Variants in HMCN1 observed in about 807,000 individuals in gnomAD.
The protein encoded by HMCN1 is hemicentin-1.
A neutral mutation model predicts 625.9 loss-of-function variants in HMCN1; 321 were observed. That is an observed-to-expected ratio of 0.51 (90% CI 0.47 to 0.56). The LOEUF is 0.56. HMCN1 is among the 20% of genes least tolerant of loss of function. The probability of loss-of-function intolerance (pLI) is 0.00; values close to 1 mark genes in which losing one functional copy is unlikely to be tolerated. For synonymous variants in HMCN1, 2,425 were observed against 2,417.6 expected (o/e 1.00, Z -0.09); for missense variants, 6,588 against 6,887.3 (o/e 0.96, Z 1.54).
intron 4 of HMCN1, among the ~76,000 whole-genome samples, chr1:185,908,011 T>C (rs546174639): frequency 6.6e-6 from 1 of 151,968 alleles, no homozygotes; most frequent in African/African-American, 2.4e-5. Flanking sequence ...TGGTTTTTGA[T>C]ACTGGAGCAA....
intron 4 of HMCN1, among the ~76,000 whole-genome samples, chr1:185,868,469 A>G (rs951700802): frequency 6.6e-6 from 1 of 152,086 alleles, no homozygotes; most frequent in Non-Finnish European, 1.5e-5. Flanking sequence ...TTTTCTCATG[A>G]TAGTGAGTGA....
chr1:186,062,995 T>A (rs986200105), intron 48 of HMCN1, among the ~76,000 whole-genome samples: 20 of 147,068 alleles, frequency 1.4e-4, no homozygotes, highest in Non-Finnish European at 2.1e-4. Flanking sequence ...GCAAAAGACA[T>A]GATTTCATTC....
intron 60 of HMCN1, 71 bp downstream of exon 60, chr1:186,087,716 C>T: frequency 7.1e-7 from 1 of 1,412,482 alleles, no homozygotes; most frequent in Non-Finnish European, 1.0e-6. Flanking sequence ...TTGGAAGTTG[C>T]ATATTCCCTT....
intron 4 of HMCN1, among the ~76,000 whole-genome samples, chr1:185,878,060 T>C (rs560682125): frequency 1.9e-4 from 29 of 152,306 alleles, no homozygotes; most frequent in African/African-American, 5.3e-4. Context: ...TTTAATGTTA[T>C]TGATGAATAG....
chr1:186,165,970 G>A (rs1335062224), intron 98 of HMCN1, among the ~76,000 whole-genome samples: 1 of 152,154 alleles, frequency 6.6e-6, no homozygotes, highest in African/African-American at 2.4e-5. Flanking sequence ...GTTGTTTTAG[G>A]ATATAATCTA....
chr1:186,164,687 T>G (rs1651765084), intron 97 of HMCN1, among the ~76,000 whole-genome samples: 1 of 152,212 alleles, frequency 6.6e-6, no homozygotes, highest in Non-Finnish European at 1.5e-5. Context: ...GGGAGCTTCT[T>G]CACAGAGTTT....
rs1285192658 is a variant in HMCN1, at chr1:186,016,968, C to G, written c.5197C>G (p.Pro1733Ala). Residue 1733 changes from proline to alanine, a missense_variant, in exon 33 of 107, where the codon CCA (proline) becomes GCA (alanine). This residue lies in a region of HMCN1 where 4,628 missense variants were observed against 4,853.1 expected (regional missense o/e 0.95). Coordinates refer to ENST00000271588, the MANE Select transcript of HMCN1 (RefSeq NM_031935.3). The part of the protein sequence containing the change: ...IKYEVDVLVP[P>A]AIEGGDETSY... ...ACATTCCTGTTGTTTTCTAGTGCCA[C>G]CAGCTATAGAAGGAGGAGATGAAAC... The G allele has an allele frequency of 6.3e-7, 1 of 1,578,946 alleles. No homozygotes were observed.
intron 4 of HMCN1, among the ~76,000 whole-genome samples, chr1:185,902,482 A>C (rs914969041): frequency 6.6e-6 from 1 of 151,544 alleles, no homozygotes; most frequent in Non-Finnish European, 1.5e-5. Flanking sequence ...GAGATTTCAT[A>C]GATGACCCTG....
Position 186,182,249 on chromosome 1 carries a change from C to G in HMCN1, c.16376C>G (p.Pro5459Arg), listed in dbSNP as rs1652979564. 2 of 1,613,488 alleles carry G rather than the reference C, an allele frequency of 1.2e-6. No individual in the cohort carries two copies. The highest frequency in any genetic ancestry group is 1.1e-5 in the South Asian group (1 of 91,070). Residue 5459 changes from proline (P) to arginine (R), a missense_variant, in exon 105 of 107, where the codon CCT (proline) becomes CGT (arginine). Physicochemically the swap from Pro to Arg is moderately radical, Grantham distance 103. Transcript: ENST00000271588. Reference protein sequence around the residue: ...TFGSYQCICPPGYQLTHNGKT... With the variant: ...TFGSYQCICPRGYQLTHNGKT... Reference sequence around the variant, plus strand: ...GGAAGTTATCAGTGCATCTGCCCACCTGGCTATCAACTCACACACAATGGA... The same window carrying G: ...GGAAGTTATCAGTGCATCTGCCCACGTGGCTATCAACTCACACACAATGGA...
chr1:186,148,853 A>G (rs1468435281), intron 93 of HMCN1, among the ~76,000 whole-genome samples: 1 of 152,176 alleles, frequency 6.6e-6, no homozygotes, highest in East Asian at 1.9e-4. Context: ...CATGAAAGCA[A>G]CATTTATCTC....
intron 85 of HMCN1, among the ~76,000 whole-genome samples, chr1:186,131,435 T>C (rs960201564): frequency 1.3e-5 from 2 of 152,122 alleles, no homozygotes; most frequent in Admixed American, 1.3e-4. Flanking sequence ...ATTTCTGAAG[T>C]CCTTGGTACT....
intron 97 of HMCN1, among the ~76,000 whole-genome samples, chr1:186,163,165 T>A (rs1292888480): frequency 4.6e-5 from 7 of 152,198 alleles, no homozygotes; most frequent in Non-Finnish European, 1.5e-5. Flanking sequence ...CTCAGACTGC[T>A]GTGCTAGCAA....
chr1:186,007,309 A>G (rs1653707018), intron 30 of HMCN1, 27 bp downstream of exon 30: 1 of 1,607,792 alleles, frequency 6.2e-7, no homozygotes, highest in African/African-American at 1.3e-5. Flanking sequence ...TATGCTTTTT[A>G]TTGTCTGCTC....
intron 13 of HMCN1, among the ~76,000 whole-genome samples, chr1:185,965,092 C>T (rs1253058243): frequency 1.3e-5 from 2 of 152,060 alleles, no homozygotes; most frequent in Non-Finnish European, 2.9e-5. Flanking sequence ...AATACCTCAG[C>T]TGAAGCTAGG....
intron 8 of HMCN1, among the ~76,000 whole-genome samples, chr1:185,924,269 TGC>T (rs1667156769): frequency 7.1e-6 from 1 of 140,668 alleles, no homozygotes; most frequent in Non-Finnish European, 1.5e-5. Flanking sequence ...CTCGCTCTGT[TGC>T]CCAGGCTGGA....
intron 4 of HMCN1, among the ~76,000 whole-genome samples, chr1:185,873,638 C>T (rs1017902899): frequency 6.6e-6 from 1 of 151,862 alleles, no homozygotes; most frequent in African/African-American, 2.4e-5. Flanking sequence ...CCTTTTAAAG[C>T]TTTTTTTGTT....
At chr1:186,107,019 C>A in intron 70 of HMCN1, 54 bp downstream of exon 70, 2 of 1,067,750 alleles carry the variant, frequency 1.9e-6, no homozygotes. Flanking sequence ...AATTAGAAAA[C>A]CCTGGGACAA....
Position 186,062,552 on chromosome 1 carries a change from G to A in HMCN1, c.7465G>A (p.Val2489Met), listed in dbSNP as rs1373625415. Reference sequence around the variant, plus strand: ...TGTGGGTGAAAATACATTGGAAGATGTGAAGGTAAAAGAGAAACAGAGTGT... The same window carrying A: ...TGTGGGTGAAAATACATTGGAAGATATGAAGGTAAAAGAGAAACAGAGTGT... ...HIVGENTLEDVKVKEKQSVTL... is the reference protein window; with the variant it reads ...HIVGENTLEDMKVKEKQSVTL... The change falls in exon 48 of 107, where the codon GTG becomes ATG. Residue 2489 changes from valine to methionine, a missense_variant. Val to Met is a conservative substitution (Grantham distance 21). Transcript: ENST00000271588. 1.9e-6 allele frequency: 3 copies of A among 1,612,872 alleles called. No homozygotes were observed. The highest frequency in any genetic ancestry group is 1.7e-4 in the Middle Eastern group (1 of 6,058).
At position 186,189,894 on chromosome 1, in the gene HMCN1, C is replaced by G. The variant is rs1283259758; in HGVS notation, c.*16C>G. 2 of 1,612,554 alleles carry G rather than the reference C, an allele frequency of 1.2e-6. No individual in the cohort carries two copies. The highest frequency in any genetic ancestry group is 3.3e-5 in the Admixed American group (2 of 59,978). On this transcript the variant is annotated 3_prime_UTR_variant, in exon 107 of 107. Coordinates refer to ENST00000271588, the MANE Select transcript of HMCN1 (RefSeq NM_031935.3). ...TCCATACTAAGGAACTCTCCAAAGC[C>G]TATTCCACATATTTAAACCGCATTA...
Sources: gnomAD v4.1 joint callset for allele counts (sites outside exome capture counted in the v4.1 genomes callset) on GRCh38, gnomAD v4.1.1 for gene constraint, gnomAD v4.1.1 regional missense constraint, MANE v1.5 for transcripts, NCBI Gene and HGNC (gene_info 2026-07-23, HGNC 2026-07-21) for gene names.